SUSD6: variants seen among roughly 807,000 people sequenced by gnomAD.
SUSD6 encodes sushi domain containing 6.
In SUSD6, 16 loss-of-function variants were observed where a neutral mutation model predicts 28.4. The ratio of observed to expected loss-of-function variants is 0.56; its 90% CI spans 0.38 to 0.86. SUSD6 has a LOEUF of 0.86. Among genes scored for constraint, SUSD6 ranks in the 40% least tolerant of loss-of-function variants. The pLI is 0.00. For missense variants in SUSD6, 341 were observed against 384.2 expected, an observed-to-expected ratio of 0.89 and a Z score of 0.94; for synonymous variants, 147 against 159.6, an observed-to-expected ratio of 0.92 and a Z score of 0.59.
At chr14:69,663,003 T>C (rs17107174) in intron 2 of SUSD6, among the ~76,000 whole-genome samples, 4,342 of 152,326 alleles carry the variant, frequency 0.029, 81 homozygotes, top group Middle Eastern at 0.068. Flanking sequence ...CAGTTGATAT[T>C]CTTTGCTGTC....
At chr14:69,672,290 A>ACT (rs1367877776) in intron 2 of SUSD6, among the ~76,000 whole-genome samples, 1 of 152,214 alleles carries the variant, frequency 6.6e-6, no homozygotes, top group Non-Finnish European at 1.5e-5. Context: ...AGAAGGTGAG[A>ACT]AGAGAGAGGA....
At chr14:69,628,584 G>A (rs1403035621) in intron 1 of SUSD6, among the ~76,000 whole-genome samples, 1 of 152,202 alleles carries the variant, frequency 6.6e-6, no homozygotes, top group Non-Finnish European at 1.5e-5. Context: ...GCCAGGCAGT[G>A]TGCTCAGTGC....
chr14:69,677,124 T>C (rs1885921467), intron 2 of SUSD6, among the ~76,000 whole-genome samples: 1 of 152,222 alleles, frequency 6.6e-6, no homozygotes, highest in Non-Finnish European at 1.5e-5. Flanking sequence ...ATAAATTGTG[T>C]AAGTTAAGTT....
chr14:69,636,417 G>A lies in SUSD6; in HGVS notation c.-80-22096G>A, dbSNP rs1885266671. Among the ~76,000 whole-genome samples the A allele has an allele frequency of 2.0e-5, 3 of 152,232 alleles. No individual in the cohort carries two copies. The South Asian group carries it at 6.2e-4, about 31-fold the overall frequency. Reference sequence around the variant, plus strand: ...ACAGTTAAGGTAGTGTGACCAGCCAGGGGTAGGGACTGGCTTCCTGAGGAA... The same window carrying A: ...ACAGTTAAGGTAGTGTGACCAGCCAAGGGTAGGGACTGGCTTCCTGAGGAA... On this transcript the variant is annotated intron_variant, in intron 1 of 5. Coordinates refer to ENST00000342745, the MANE Select transcript of SUSD6 (RefSeq NM_014734.4).
chr14:69,622,657 G>A (rs999636501), intron 1 of SUSD6, among the ~76,000 whole-genome samples: 1 of 151,772 alleles, frequency 6.6e-6, no homozygotes, highest in Non-Finnish European at 1.5e-5. Flanking sequence ...GCAGTGGTGC[G>A]ATCTCGGCTC....
intron 5 of SUSD6, among the ~76,000 whole-genome samples, chr14:69,710,080 G>T (rs186648691): frequency 2.0e-5 from 3 of 152,148 alleles, no homozygotes; most frequent in Non-Finnish European, 2.9e-5. Context: ...GTTTTTCTTG[G>T]TTGGCCATTA....
At chr14:69,613,437 A>G (rs1884911803) in intron 1 of SUSD6, among the ~76,000 whole-genome samples, 1 of 152,252 alleles carries the variant, frequency 6.6e-6, no homozygotes, top group South Asian at 2.1e-4. Context: ...GCTGTTTCTC[A>G]GATCATGAGC....
rs1204079197 is a variant in SUSD6 at position 69,708,661 on chromosome 14, TC to T, written c.459-14del. On this transcript the variant is annotated splice_polypyrimidine_tract_variant and intron_variant, in intron 4 of 5. Coordinates refer to ENST00000342745, the MANE Select transcript of SUSD6 (RefSeq NM_014734.4). ...TTATTCTAATTCATCCTTTGTCTTT[TC>T]CTCCTCCACTCCAGGCGTGACCAGG... 2.0e-6 allele frequency: 3 copies of T among 1,523,536 alleles called. No individual in the cohort carries two copies. In the South Asian group the frequency reaches 3.9e-5, roughly 20 times the overall value. The allele number at this position is 1,523,536 out of a possible 1,614,324, so 94.4% of individuals were successfully genotyped here. A position where few individuals can be genotyped will look rare whatever the true frequency, so the allele number is the denominator to read the frequency against.
chr14:69,674,187 A>G (rs1442342158), intron 2 of SUSD6, among the ~76,000 whole-genome samples: 1 of 152,024 alleles, frequency 6.6e-6, no homozygotes, highest in Non-Finnish European at 1.5e-5. Context: ...TGCCTATCTT[A>G]CCCCACTGCC....
intron 2 of SUSD6, among the ~76,000 whole-genome samples, chr14:69,698,082 C>T (rs982979220): frequency 6.6e-6 from 1 of 152,256 alleles, no homozygotes; most frequent in African/African-American, 2.4e-5. Flanking sequence ...AATCCCAACA[C>T]TTTGGGAGGC....
At chr14:69,690,535 T>C (rs1267434787) in intron 2 of SUSD6, among the ~76,000 whole-genome samples, 1 of 152,148 alleles carries the variant, frequency 6.6e-6, no homozygotes, top group Non-Finnish European at 1.5e-5. Context: ...AGGAGCACGG[T>C]ATGCTGAGCA....
chr14:69,707,499 C>T (rs149219019), intron 4 of SUSD6, among the ~76,000 whole-genome samples: 9 of 152,296 alleles, frequency 5.9e-5, no homozygotes, highest in Admixed American at 2.0e-4. Flanking sequence ...CAGTGGCTCA[C>T]GCCTGTAATC....
In SUSD6 at chr14:69,613,775, T is replaced by G. The variant is rs1595026596; in HGVS notation, c.-81+1947T>G. Among the ~76,000 whole-genome samples the G allele has an allele frequency of 2.0e-5, 3 of 152,362 alleles. No homozygotes were observed. The East Asian group carries it at 5.8e-4, about 29-fold the overall frequency. On this transcript the variant is annotated intron_variant, in intron 1 of 5. Coordinates refer to ENST00000342745, the MANE Select transcript of SUSD6 (RefSeq NM_014734.4). ...ACTTCCTGTCTGCAGAGTAATTTTTTGGATACTGTAGTAGAAATGGCATAT... is the reference window on the plus strand; with the variant it reads ...ACTTCCTGTCTGCAGAGTAATTTTTGGGATACTGTAGTAGAAATGGCATAT...
intron 1 of SUSD6, among the ~76,000 whole-genome samples, chr14:69,629,074 G>A (rs1226080117): frequency 6.6e-6 from 1 of 152,052 alleles, no homozygotes; most frequent in African/African-American, 2.4e-5. Context: ...GGATGAGGTG[G>A]TGAGGGAGGC....
intron 1 of SUSD6, among the ~76,000 whole-genome samples, chr14:69,637,377 C>T (rs1352581103): frequency 6.6e-6 from 1 of 152,120 alleles, no homozygotes; most frequent in Non-Finnish European, 1.5e-5. Flanking sequence ...CTGCTATCAC[C>T]ACTGTATCCC....
chr14:69,656,105 T>C (rs1243568110), intron 1 of SUSD6, among the ~76,000 whole-genome samples: 1 of 150,246 alleles, frequency 6.7e-6, no homozygotes, highest in Non-Finnish European at 1.5e-5. Flanking sequence ...CCTCCTTTCC[T>C]TTCCCTTCCT....
chr14:69,657,799 C>G (rs1207251575), intron 1 of SUSD6, among the ~76,000 whole-genome samples: 1 of 152,196 alleles, frequency 6.6e-6, no homozygotes, highest in Non-Finnish European at 1.5e-5. Flanking sequence ...TTCTCACTCT[C>G]TCTCTGTCTC....
At chr14:69,636,255 TTG>T (rs1885264320) in intron 1 of SUSD6, among the ~76,000 whole-genome samples, 2 of 152,224 alleles carry the variant, frequency 1.3e-5, no homozygotes, top group Admixed American at 1.3e-4. Context: ...ACTGTTGCTG[TTG>T]AAGGCATAGA....
In SUSD6 at chr14:69,611,649, G is replaced by C. The variant is rs1289939128; in HGVS notation, c.-260G>C. 1 of 151,004 alleles carries C rather than the reference G, an allele frequency of 6.6e-6. No individual in the cohort carries two copies. The highest frequency in any genetic ancestry group is 1.5e-5 in the Non-Finnish European group (1 of 67,754). The allele number at this position is 151,004 out of a possible 1,614,324, so 9.4% of individuals were successfully genotyped here. A position where few individuals can be genotyped will look rare whatever the true frequency, so the allele number is the denominator to read the frequency against. Reference sequence around the variant, plus strand: ...CCGCCGCGTTCTATTCTCCGAAGCCGGCGACCGCCCCACCTCCTCCCTCCC... The same window carrying C: ...CCGCCGCGTTCTATTCTCCGAAGCCCGCGACCGCCCCACCTCCTCCCTCCC... On this transcript the variant is annotated 5_prime_UTR_variant, in exon 1 of 6. Transcript: ENST00000342745.
Sources: allele counts gnomAD v4.1 joint callset (sites outside exome capture counted in the v4.1 genomes callset), GRCh38; gene constraint gnomAD v4.1.1; transcripts MANE v1.5; gene names NCBI Gene and HGNC (gene_info 2026-07-23, HGNC 2026-07-21).